SLC27A2: variants seen among roughly 807,000 people sequenced by gnomAD.
SLC27A2 encodes long-chain fatty acid transport protein 2.
Under a neutral mutation model 60.0 loss-of-function variants are expected in SLC27A2, and 54 were observed. The observed-to-expected ratio is 0.90, with a 90% CI of 0.72 to 1.13. The LOEUF (loss-of-function observed/expected upper bound fraction) is 1.13. SLC27A2 is among the 50% of genes most tolerant of loss of function. The pLI is 0.00. For missense variants in SLC27A2, 739 were observed against 777.6 expected, an observed-to-expected ratio of 0.95 and a Z score of 0.59; for synonymous variants, 297 against 297.6, an observed-to-expected ratio of 1.00 and a Z score of 0.02.
At chr15:50,204,334 G>A (rs1359429696) in intron 3 of SLC27A2, among the ~76,000 whole-genome samples, 1 of 152,008 alleles carries the variant, frequency 6.6e-6, no homozygotes, top group African/African-American at 2.4e-5. Flanking sequence ...AGGCATGATG[G>A]TGTCCACCTG....
intron 1 of SLC27A2, among the ~76,000 whole-genome samples, chr15:50,196,445 A>G (rs2045024597): frequency 6.6e-6 from 1 of 151,964 alleles, no homozygotes; most frequent in South Asian, 2.1e-4. Flanking sequence ...TGTACTAGGC[A>G]TTTTTCAAGG....
chr15:50,194,023 G>T lies in SLC27A2; in HGVS notation c.479-3477G>T, dbSNP rs147417151. 8.8e-4 allele frequency among the ~76,000 whole-genome samples: 134 copies of T among 152,242 alleles called. 2 individuals carry two copies. The highest frequency in any genetic ancestry group is 8.2e-3 in the Admixed American group (126 of 15,292). Reference sequence around the variant, plus strand: ...AAAGTTAGCTGGGCATGGTACTCCTGTAGTCCCAGTTACTTGAGAGGCTGA... The same window carrying T: ...AAAGTTAGCTGGGCATGGTACTCCTTTAGTCCCAGTTACTTGAGAGGCTGA... On this transcript the variant is annotated intron_variant, in intron 1 of 9. Transcript: ENST00000267842.
chr15:50,222,237 C>T (rs2045248088), intron 4 of SLC27A2, among the ~76,000 whole-genome samples: 1 of 152,112 alleles, frequency 6.6e-6, no homozygotes, highest in Non-Finnish European at 1.5e-5. Flanking sequence ...GAGGTGGCCT[C>T]CTCCTTCTCT....
At chr15:50,222,861 T>C in intron 4 of SLC27A2, 104 bp from the exon 5 acceptor site, 1 of 945,332 alleles carries the variant, frequency 1.1e-6, no homozygotes, top group Non-Finnish European at 1.6e-6. Context: ...ATAAAGGCAA[T>C]GTCAGTATAA....
intron 8 of SLC27A2, 149 bp downstream of exon 8, chr15:50,229,191 A>G: frequency 1.7e-6 from 1 of 582,498 alleles, no homozygotes; most frequent in Non-Finnish European, 3.1e-6. Flanking sequence ...TGTCTGGCTT[A>G]TGTTCCACTA....
intron 4 of SLC27A2, among the ~76,000 whole-genome samples, chr15:50,219,450 G>A (rs993160972): frequency 1.3e-5 from 2 of 150,662 alleles, no homozygotes; most frequent in Non-Finnish European, 3.0e-5. Context: ...TTTTTTTTGT[G>A]GGGGGTGGAA....
rs138003540 is a variant in SLC27A2 at position 50,209,852 on chromosome 15, C to T, written c.972+4489C>T. 3.7e-3 allele frequency among the ~76,000 whole-genome samples: 565 copies of T among 152,148 alleles called. 3 individuals carry two copies. The highest frequency in any genetic ancestry group is 0.011 in the South Asian group (54 of 4,812). ...TCTTGGAAGTCACCCCAAAACAAGG[C>T]GATGAGAAAAACACACACAAGCACC... On this transcript the variant is annotated intron_variant, in intron 4 of 9. Coordinates refer to ENST00000267842, the MANE Select transcript of SLC27A2 (RefSeq NM_003645.4).
Position 50,227,093 on chromosome 15 carries a change from G to A in SLC27A2, c.1372G>A (p.Asp458Asn), listed in dbSNP as rs772649248. Residue 458 changes from aspartate to asparagine, a missense_variant, in exon 7 of 10, where the codon GAC (aspartate) becomes AAC (asparagine). Transcript: ENST00000267842. Reference sequence around the variant, plus strand: ...ACTGAGAGATGTCTTTAAGAAAGGAGACCTCTATTTCAACAGTGGAGATCT... The same window carrying A: ...ACTGAGAGATGTCTTTAAGAAAGGAAACCTCTATTTCAACAGTGGAGATCT... ...KKLRDVFKKGDLYFNSGDLLM... is the reference protein window; with the variant it reads ...KKLRDVFKKGNLYFNSGDLLM... The A allele has an allele frequency of 1.9e-6, 3 of 1,613,924 alleles. No homozygotes were observed. The highest frequency in any genetic ancestry group is 4.5e-5 in the East Asian group (2 of 44,900).
intron 4 of SLC27A2, among the ~76,000 whole-genome samples, chr15:50,215,638 T>C (rs2045189784): frequency 6.6e-6 from 1 of 152,148 alleles, no homozygotes; most frequent in Admixed American, 6.5e-5. Context: ...TGCCACAGAA[T>C]AGAGAACCCA....
At chr15:50,230,914 TC>T (rs2045312573) in intron 8 of SLC27A2, among the ~76,000 whole-genome samples, 1 of 152,178 alleles carries the variant, frequency 6.6e-6, no homozygotes, top group Non-Finnish European at 1.5e-5. Context: ...ATCAGCAGTG[TC>T]AGCATCACCC....
At position 50,236,199 on chromosome 15, in the gene SLC27A2, G is replaced by A; in HGVS notation, c.*103G>A. 9.2e-7 allele frequency: 1 copy of A among 1,089,046 alleles called. No individual in the cohort carries two copies. The allele number at this position is 1,089,046 out of a possible 1,614,324, so 67.5% of individuals were successfully genotyped here. Reference sequence around the variant, plus strand: ...TGATTGAAGATTGTGAGGAAATTTTGTAGGAAATTTGCATACCCGTAAAGG... The same window carrying A: ...TGATTGAAGATTGTGAGGAAATTTTATAGGAAATTTGCATACCCGTAAAGG... On this transcript the variant is annotated 3_prime_UTR_variant, in exon 10 of 10. Coordinates refer to ENST00000267842, the MANE Select transcript of SLC27A2 (RefSeq NM_003645.4).
intron 4 of SLC27A2, among the ~76,000 whole-genome samples, chr15:50,213,589 A>T (rs1449061910): frequency 9.2e-5 from 14 of 152,226 alleles, no homozygotes; most frequent in Admixed American, 9.2e-4. Context: ...AAATTTAAGA[A>T]AATTGAAATT....
chr15:50,210,951 G>T lies in SLC27A2; in HGVS notation c.972+5588G>T, dbSNP rs572516191. Among the ~76,000 whole-genome samples, 24 of 152,116 alleles carry T rather than the reference G, an allele frequency of 1.6e-4. 1 individual carries two copies. In the South Asian group the frequency reaches 4.8e-3, roughly 30 times the overall value. ...ACAACTCCAGTGACCTGGGAATCTC[G>T]CCCCCATCCCCCACAGCAGCCACAG... On this transcript the variant is annotated intron_variant, in intron 4 of 9. Transcript: ENST00000267842.
intron 4 of SLC27A2, among the ~76,000 whole-genome samples, chr15:50,217,980 G>A (rs984361097): frequency 1.3e-5 from 2 of 150,738 alleles, no homozygotes; most frequent in Non-Finnish European, 2.9e-5. Flanking sequence ...TTTGAACCCG[G>A]GAGGCAGAGG....
chr15:50,224,439 C>CA (rs34641149), intron 5 of SLC27A2, among the ~76,000 whole-genome samples: 15 of 151,546 alleles, frequency 9.9e-5, no homozygotes, highest in Admixed American at 8.5e-4. Flanking sequence ...AACTCCATCT[C>CA]AAAAAAAAGA....
intron 8 of SLC27A2, among the ~76,000 whole-genome samples, chr15:50,230,736 C>A (rs999986149): frequency 6.6e-6 from 1 of 152,124 alleles, no homozygotes; most frequent in Non-Finnish European, 1.5e-5. Context: ...TGGTTGTCAG[C>A]CATTGTGCCA....
At chr15:50,226,681 G>A (rs894641872) in intron 6 of SLC27A2, among the ~76,000 whole-genome samples, 5 of 152,174 alleles carry the variant, frequency 3.3e-5, no homozygotes, top group Non-Finnish European at 5.9e-5. Flanking sequence ...GCAGTGAGCC[G>A]AGACTGCACC....
chr15:50,182,711 T>C lies in SLC27A2; in HGVS notation c.284T>C (p.Leu95Pro). The C allele has an allele frequency of 6.2e-7, 1 of 1,613,870 alleles. No homozygotes were observed. The highest frequency in any genetic ancestry group is 1.1e-5 in the South Asian group (1 of 91,076). ...CGCAGCAATCAAGTGGCCCGGGCGC[T>C]GCACGACCACCTCGGCCTGCGCCAG... is the stretch of plus-strand genomic sequence containing the variant. ...DRRSNQVARALHDHLGLRQGD... is the reference protein window; with the variant it reads ...DRRSNQVARAPHDHLGLRQGD... Residue 95 changes from leucine (L) to proline (P), a missense_variant, in exon 1 of 10, where the codon CTG becomes CCG. Leu to Pro is a moderately conservative substitution (Grantham distance 98). Transcript: ENST00000267842.
rs775163816 is a variant in SLC27A2, at chr15:50,226,991, C to G, written c.1270C>G (p.Leu424Val). The G allele has an allele frequency of 6.8e-6, 11 of 1,613,700 alleles. No homozygotes were observed. The highest frequency in any genetic ancestry group is 9.3e-6 in the Non-Finnish European group (11 of 1,179,858). The part of the protein sequence containing the change: ...CVRVPKGEVG[L>V]LVCKITQLTP... The stretch of plus-strand genomic sequence containing the variant: ...TTCTTCTGTCTTAGGTGAAGTTGGA[C>G]TTCTGGTTTGCAAAATCACACAACT... Residue 424 changes from leucine to valine, a missense_variant, in exon 7 of 10, where the codon CTT (leucine) becomes GTT (valine). Leu to Val is a conservative substitution (Grantham distance 32). Transcript: ENST00000267842.
Sources: allele counts gnomAD v4.1 joint callset (sites outside exome capture counted in the v4.1 genomes callset), GRCh38; gene constraint gnomAD v4.1.1; transcripts MANE v1.5; gene names NCBI Gene and HGNC (gene_info 2026-07-23, HGNC 2026-07-21).